Variants in S100A2 observed in about 807,000 individuals in gnomAD.
S100A2 encodes the protein S100 calcium binding protein A2.
Under a neutral mutation model 4.3 loss-of-function variants are expected in S100A2, and 5 were observed. The observed-to-expected ratio is 1.16, with a 90% CI of 0.61 to 2.44. The LOEUF (loss-of-function observed/expected upper bound fraction) is 2.44. Ranked by LOEUF, S100A2 falls within the 30% of genes most tolerant of loss-of-function variation. The pLI, the probability that S100A2 is intolerant of heterozygous loss-of-function variation, is 0.01. For missense variants in S100A2, 103 were observed against 114.7 expected, an observed-to-expected ratio of 0.90 and a Z score of 0.47; for synonymous variants, 44 against 46.0, an observed-to-expected ratio of 0.96 and a Z score of 0.17.
chr1:153,564,854 CAAAA>C lies in S100A2; in HGVS notation c.-11+648_-11+651del, dbSNP rs56666936. 3.6e-5 allele frequency among the ~76,000 whole-genome samples: 2 copies of C among 54,798 alleles called. 1 individual carries two copies. The highest frequency in any genetic ancestry group is 2.3e-3 in the South Asian group (2 of 860). 35.9% of individuals were successfully genotyped at this position (54,798 alleles called of 152,430 possible). On this transcript the variant is annotated intron_variant, in intron 1 of 2. Coordinates refer to ENST00000368708, the MANE Select transcript of S100A2 (RefSeq NM_005978.4). ...AGTCCTGCTAGAATCCAGGACTTTG[CAAAA>C]AAAAAAAAAAATCTCAGGATTCTTT...
In S100A2 at chr1:153,561,550, G is replaced by A. The variant is rs112987771; in HGVS notation, c.186C>T (p.Ser62=). The A allele has an allele frequency of 1.7e-5, 27 of 1,614,088 alleles. 2 individuals are homozygous for A. In the African/African-American group the frequency reaches 2.3e-4, roughly 14 times the overall value. The change falls in exon 3 of 3, where the codon AGC becomes AGT. Residue 62 remains serine, a synonymous_variant. Coordinates refer to ENST00000368708, the MANE Select transcript of S100A2 (RefSeq NM_005978.4). ...DEEGLKKLMG[S]LDENSDQQVD... Reference sequence around the variant, plus strand: ...CCTGCTGGTCACTGTTCTCATCCAGGCTGCCCATCAGCTTCTTCAGCCCCT... The same window carrying A: ...CCTGCTGGTCACTGTTCTCATCCAGACTGCCCATCAGCTTCTTCAGCCCCT...
In S100A2 at chr1:153,561,421, G is replaced by A. The variant is rs1665891487; in HGVS notation, c.*18C>T. 1.2e-6 allele frequency: 2 copies of A among 1,605,982 alleles called. No homozygotes were observed. Among genetic ancestry groups the A allele is most frequent in the Admixed American group, 3.4e-5 (2 of 59,434 alleles). On this transcript the variant is annotated 3_prime_UTR_variant, in exon 3 of 3. Coordinates refer to ENST00000368708, the MANE Select transcript of S100A2 (RefSeq NM_005978.4). ...CCTGGGCCCAAGAGATCCATGGCAG[G>A]AAGTCAAGAGTTCTGCTTCAGGGTC... is the stretch of plus-strand genomic sequence containing the variant.
At position 153,563,714 on chromosome 1, in the gene S100A2, C is replaced by A. The variant is rs1665945573; in HGVS notation, c.144+20G>T. On this transcript the variant is annotated intron_variant, in intron 2 of 2. Coordinates refer to ENST00000368708, the MANE Select transcript of S100A2 (RefSeq NM_005978.4). ...CCCACACTCACACCAGGACCTCCCC[C>A]ACAGGCCTGTGCCACTCACCCCCAC... is the stretch of plus-strand genomic sequence containing the variant. The A allele has an allele frequency of 6.2e-6, 10 of 1,606,868 alleles. No homozygotes were observed. Among genetic ancestry groups the A allele is most frequent in the Admixed American group, 1.7e-5 (1 of 59,492 alleles).
intron 2 of S100A2, among the ~76,000 whole-genome samples, chr1:153,563,258 G>A (rs1247688484): frequency 6.6e-6 from 1 of 151,960 alleles, no homozygotes; most frequent in East Asian, 1.9e-4. Flanking sequence ...TGTAGTCCCA[G>A]CTACTCAGGA....
At chr1:153,564,523 G>A (rs997070190) in intron 1 of S100A2, among the ~76,000 whole-genome samples, 9 of 152,294 alleles carry the variant, frequency 5.9e-5, no homozygotes, top group Non-Finnish European at 1.3e-4. Flanking sequence ...GCATGGATAG[G>A]GTGGGGGCAA....
intron 2 of S100A2, among the ~76,000 whole-genome samples, chr1:153,563,087 A>G (rs1665930110): frequency 6.6e-6 from 1 of 151,924 alleles, no homozygotes; most frequent in Non-Finnish European, 1.5e-5. Context: ...CAGCCTGACC[A>G]ATATGATGAA....
rs376852593 is a variant in S100A2, at chr1:153,563,851, C to T, written c.27G>A (p.Ala9=). 106 of 1,614,048 alleles carry T rather than the reference C, an allele frequency of 6.6e-5. No homozygotes were observed. The highest frequency in any genetic ancestry group is 2.5e-4 in the Admixed American group (15 of 59,996). The change falls in exon 2 of 3, where the codon GCG becomes GCA. Residue 9 remains alanine, a synonymous_variant. Coordinates refer to ENST00000368708, the MANE Select transcript of S100A2 (RefSeq NM_005978.4). MMCSSLEQ[A]LAVLVTTFHK... Reference sequence around the variant, plus strand: ...GGAAGGTAGTGACCAGCACAGCCAGCGCCTGCTCCAGAGAACTGCACATCA... The same window carrying T: ...GGAAGGTAGTGACCAGCACAGCCAGTGCCTGCTCCAGAGAACTGCACATCA...
At chr1:153,562,281 C>T (rs559734097) in intron 2 of S100A2, among the ~76,000 whole-genome samples, 1 of 152,142 alleles carries the variant, frequency 6.6e-6, no homozygotes, top group African/African-American at 2.4e-5. Context: ...GCTGGGACTA[C>T]AAGCGTATGC....
chr1:153,565,066 CTTT>C (rs1665978756), intron 1 of S100A2, among the ~76,000 whole-genome samples: 1 of 151,590 alleles, frequency 6.6e-6, no homozygotes, highest in South Asian at 2.1e-4. Context: ...AATCCCAGCA[CTTT>C]GGGAGGCCGA....
intron 2 of S100A2, among the ~76,000 whole-genome samples, chr1:153,562,998 G>A (rs1038794391): frequency 6.6e-6 from 1 of 150,518 alleles, no homozygotes; most frequent in Non-Finnish European, 1.5e-5. Flanking sequence ...AGGAGTCCGG[G>A]CACGGTGGCT....
intron 2 of S100A2, among the ~76,000 whole-genome samples, chr1:153,561,964 A>G (rs1434336875): frequency 2.6e-5 from 4 of 152,164 alleles, no homozygotes; most frequent in African/African-American, 9.6e-5. Context: ...TCAGAAAAGA[A>G]CACTTTTTAT....
At chr1:153,563,321 G>T in intron 2 of S100A2, 1 of 1,315,200 alleles carries the variant, frequency 7.6e-7, no homozygotes. Context: ...GCAGTGAGCC[G>T]AGATCGTGCC....
chr1:153,563,664 C>G, intron 2 of S100A2, 70 bp downstream of exon 2: 1 of 1,589,744 alleles, frequency 6.3e-7, no homozygotes, highest in Non-Finnish European at 8.6e-7. Flanking sequence ...GCACCCGGAA[C>G]TGGGGGAGAG....
chr1:153,563,673 A>G, intron 2 of S100A2, 61 bp downstream of exon 2: 3 of 1,588,610 alleles, frequency 1.9e-6, no homozygotes, highest in Non-Finnish European at 2.6e-6. Flanking sequence ...ACTGGGGGAG[A>G]GATTTAACCT....
chr1:153,564,121 G>A, intron 1 of S100A2: 4 of 454,232 alleles, frequency 8.8e-6, no homozygotes, highest in Non-Finnish European at 1.2e-5. Context: ...GAGTCACCAA[G>A]CCTCCTCTGA....
chr1:153,565,204 C>T (rs1437395341), intron 1 of S100A2, among the ~76,000 whole-genome samples: 4 of 148,146 alleles, frequency 2.7e-5, no homozygotes, highest in African/African-American at 5.0e-5. Context: ...CCCAGCTACT[C>T]GGGAGGCTGA....
At position 153,561,242 on chromosome 1, in the gene S100A2, G is replaced by C; in HGVS notation, c.*197C>G. The C allele has an allele frequency of 1.8e-6, 1 of 551,020 alleles. No homozygotes were observed. 34.1% of individuals were successfully genotyped at this position (551,020 alleles called of 1,614,324 possible). ...TCTGGCCTTGGAGAGATTTCCAGGAGAGTCAGAGCCCAGAAGGGAGCAGGA... is the reference window on the plus strand; with the variant it reads ...TCTGGCCTTGGAGAGATTTCCAGGACAGTCAGAGCCCAGAAGGGAGCAGGA... On this transcript the variant is annotated 3_prime_UTR_variant, in exon 3 of 3. Coordinates refer to ENST00000368708, the MANE Select transcript of S100A2 (RefSeq NM_005978.4).
At chr1:153,564,035 CTG>C (rs1665956290) in intron 1 of S100A2, 148 bp from the exon 2 acceptor site, 7 of 755,716 alleles carry the variant, frequency 9.3e-6, no homozygotes, top group Non-Finnish European at 1.2e-5. Flanking sequence ...CCCCCTCAGA[CTG>C]TGGTTCCCTG....
At chr1:153,562,077 T>C (rs1665906706) in intron 2 of S100A2, among the ~76,000 whole-genome samples, 1 of 152,090 alleles carries the variant, frequency 6.6e-6, no homozygotes, top group African/African-American at 2.4e-5. Context: ...TCCTCCCACC[T>C]CAGCCTCCCA....
Sources: gnomAD v4.1 joint callset for allele counts (sites outside exome capture counted in the v4.1 genomes callset) on GRCh38, gnomAD v4.1.1 for gene constraint, MANE v1.5 for transcripts, NCBI Gene and HGNC (gene_info 2026-07-23, HGNC 2026-07-21) for gene names.